CLSTN2: variants seen among roughly 807,000 people sequenced by gnomAD.
The protein encoded by CLSTN2 is calsyntenin-2.
A neutral mutation model predicts 101.2 loss-of-function variants in CLSTN2; 48 were observed. The observed-to-expected ratio is 0.47, with a 90% confidence interval of 0.38 to 0.60. The LOEUF is 0.60. Among genes scored for constraint, CLSTN2 ranks in the 20% least tolerant of loss-of-function variants. The pLI, the probability that CLSTN2 is intolerant of heterozygous loss-of-function variation, is 0.00. For synonymous variants in CLSTN2, 481 were observed against 463.6 expected, an observed-to-expected ratio of 1.04 and a Z score of -0.48; for missense variants, 1,160 against 1,238.2, an observed-to-expected ratio of 0.94 and a Z score of 0.95.
intron 8 of CLSTN2, among the ~76,000 whole-genome samples, chr3:140,517,877 T>C (rs1934950468): frequency 6.6e-6 from 1 of 152,038 alleles, no homozygotes; most frequent in Non-Finnish European, 1.5e-5. Context: ...GGTGAGGCCA[T>C]AGAGCTCCCA....
chr3:140,393,762 A>G lies in CLSTN2; in HGVS notation c.233-9867A>G, dbSNP rs79819000. 5.9e-3 allele frequency among the ~76,000 whole-genome samples: 900 copies of G among 152,258 alleles called. 8 individuals carry two copies. Among genetic ancestry groups the G allele is most frequent in the Middle Eastern group, 0.037 (11 of 294 alleles). Reference sequence around the variant, plus strand: ...TGAGATCCCTTCCTTGTTTAATAAGATTCTCTACTCCTGCTTGACAGTGGG... The same window carrying G: ...TGAGATCCCTTCCTTGTTTAATAAGGTTCTCTACTCCTGCTTGACAGTGGG... On this transcript the variant is annotated intron_variant, in intron 2 of 16. Transcript: ENST00000458420.
At chr3:140,526,797 C>A (rs1935152689) in intron 8 of CLSTN2, among the ~76,000 whole-genome samples, 1 of 152,092 alleles carries the variant, frequency 6.6e-6, no homozygotes, top group African/African-American at 2.4e-5. Flanking sequence ...CTACAGCCAT[C>A]TGATCTTCAG....
intron 2 of CLSTN2, among the ~76,000 whole-genome samples, chr3:140,347,566 C>T (rs904766624): frequency 1.3e-5 from 2 of 152,210 alleles, no homozygotes; most frequent in Non-Finnish European, 2.9e-5. Flanking sequence ...ATAGATAAGG[C>T]CTCAGTGGAT....
At chr3:140,259,961 G>A (rs898066810) in intron 2 of CLSTN2, among the ~76,000 whole-genome samples, 1 of 151,760 alleles carries the variant, frequency 6.6e-6, no homozygotes, top group Non-Finnish European at 1.5e-5. Context: ...GACACCAGGA[G>A]CCTACTTGAG....
chr3:140,132,407 T>C (rs74338372), intron 1 of CLSTN2, among the ~76,000 whole-genome samples: 276 of 152,294 alleles, frequency 1.8e-3, no homozygotes, highest in African/African-American at 6.5e-3. Flanking sequence ...AGTCTCCCCA[T>C]GCAGGATAAG....
At chr3:140,281,095 A>G (rs2086841540) in intron 2 of CLSTN2, among the ~76,000 whole-genome samples, 1 of 152,250 alleles carries the variant, frequency 6.6e-6, no homozygotes. Flanking sequence ...ACAGGTCTAA[A>G]TGGGAGTGTG....
intron 1 of CLSTN2, among the ~76,000 whole-genome samples, chr3:140,175,087 C>T (rs1406341127): frequency 2.0e-5 from 3 of 152,230 alleles, no homozygotes; most frequent in East Asian, 3.9e-4. Flanking sequence ...TATACGAGTA[C>T]ACTAATCATA....
chr3:140,314,083 T>C (rs1221101403), intron 2 of CLSTN2, among the ~76,000 whole-genome samples: 1 of 152,248 alleles, frequency 6.6e-6, no homozygotes, highest in East Asian at 1.9e-4. Context: ...CATTGGTTCA[T>C]GACAGACCCT....
intron 10 of CLSTN2, among the ~76,000 whole-genome samples, chr3:140,552,559 A>C (rs1374665738): frequency 6.6e-6 from 1 of 152,048 alleles, no homozygotes; most frequent in African/African-American, 2.4e-5. Context: ...GAGATCCAAC[A>C]CACTCTCCTG....
chr3:140,231,598 C>T (rs931479770), intron 2 of CLSTN2, among the ~76,000 whole-genome samples: 1 of 152,106 alleles, frequency 6.6e-6, no homozygotes, highest in Non-Finnish European at 1.5e-5. Flanking sequence ...GGCCTGTATT[C>T]CTCTCAACTG....
intron 8 of CLSTN2, among the ~76,000 whole-genome samples, chr3:140,511,676 T>G (rs550328952): frequency 1.0e-3 from 151 of 151,242 alleles, no homozygotes; most frequent in African/African-American, 3.4e-3. Flanking sequence ...CAGCCTCCCG[T>G]GTAGCTGGGA....
At chr3:140,051,079 C>T (rs2007981337) in intron 1 of CLSTN2, among the ~76,000 whole-genome samples, 1 of 152,202 alleles carries the variant, frequency 6.6e-6, no homozygotes, top group African/African-American at 2.4e-5. Flanking sequence ...CTGGCCTGCC[C>T]ACTCCCTCTC....
chr3:140,339,918 T>C (rs756686603), intron 2 of CLSTN2, among the ~76,000 whole-genome samples: 4 of 152,186 alleles, frequency 2.6e-5, no homozygotes, highest in Admixed American at 6.5e-5. Flanking sequence ...TGGATGTGGG[T>C]CCTGACACTG....
chr3:140,135,496 C>G (rs2009603009), intron 1 of CLSTN2, among the ~76,000 whole-genome samples: 1 of 152,228 alleles, frequency 6.6e-6, no homozygotes, highest in Non-Finnish European at 1.5e-5. Context: ...TCTCTACAAA[C>G]AAACTAGTTT....
intron 5 of CLSTN2, among the ~76,000 whole-genome samples, chr3:140,433,332 T>A (rs938493022): frequency 2.6e-5 from 4 of 152,216 alleles, no homozygotes; most frequent in African/African-American, 9.6e-5. Context: ...CAACCTTAGA[T>A]GACCTCTCAG....
At chr3:140,405,277 G>A (rs765630161) in intron 4 of CLSTN2, among the ~76,000 whole-genome samples, 9 of 151,452 alleles carry the variant, frequency 5.9e-5, no homozygotes, top group Non-Finnish European at 8.8e-5. Flanking sequence ...GCCCAAGCTA[G>A]AGTACAATGG....
intron 2 of CLSTN2, among the ~76,000 whole-genome samples, chr3:140,369,151 G>A (rs1289602289): frequency 6.6e-6 from 1 of 152,152 alleles, no homozygotes; most frequent in Non-Finnish European, 1.5e-5. Context: ...ATGAGTCTCT[G>A]GCTAGATTGT....
chr3:140,487,592 T>C (rs567012272), intron 8 of CLSTN2, among the ~76,000 whole-genome samples: 1 of 152,240 alleles, frequency 6.6e-6, no homozygotes, highest in Non-Finnish European at 1.5e-5. Context: ...CATGCCTGTC[T>C]TCTCTTCAGC....
intron 1 of CLSTN2, among the ~76,000 whole-genome samples, chr3:140,068,721 A>G (rs148102886): frequency 6.6e-6 from 1 of 152,356 alleles, no homozygotes; most frequent in East Asian, 1.9e-4. Context: ...CAGGAGGCCA[A>G]TTCCTAATAA....
Sources: gnomAD v4.1 joint callset for allele counts (sites outside exome capture counted in the v4.1 genomes callset) on GRCh38, gnomAD v4.1.1 for gene constraint, MANE v1.5 for transcripts, NCBI Gene and HGNC (gene_info 2026-07-23, HGNC 2026-07-21) for gene names.